PRDM5: variants seen among roughly 807,000 people sequenced by gnomAD.
PRDM5 encodes PR/SET domain 5.
In PRDM5, 56 loss-of-function variants were observed where a neutral mutation model predicts 81.2. The ratio of observed to expected loss-of-function variants is 0.69; its 90% CI spans 0.56 to 0.86. The LOEUF (loss-of-function observed/expected upper bound fraction) is 0.86. Among genes scored for constraint, PRDM5 ranks in the 40% least tolerant of loss-of-function variants. The pLI is 0.00. For missense variants in PRDM5, 697 were observed against 770.1 expected (o/e 0.91, Z 1.12); for synonymous variants, 267 against 256.4 (o/e 1.04, Z -0.39).
At chr4:120,729,710 A>G (rs1739974492) in intron 14 of PRDM5, among the ~76,000 whole-genome samples, 1 of 152,252 alleles carries the variant, frequency 6.6e-6, no homozygotes, top group Non-Finnish European at 1.5e-5. Context: ...ATTATAATGT[A>G]TTACAAGGGA....
At chr4:120,801,206 C>G (rs549189514) in intron 8 of PRDM5, among the ~76,000 whole-genome samples, 1 of 152,344 alleles carries the variant, frequency 6.6e-6, no homozygotes, top group Non-Finnish European at 1.5e-5. Flanking sequence ...GAAGCCAAGA[C>G]AGTGTCCCTG....
At chr4:120,811,974 TA>T (rs1304225641) in intron 7 of PRDM5, among the ~76,000 whole-genome samples, 3 of 152,150 alleles carry the variant, frequency 2.0e-5, no homozygotes, top group Admixed American at 6.5e-5. Context: ...TCGTATTCAT[TA>T]TAACTATATT....
rs186350793 is a variant in PRDM5 at position 120,701,024 on chromosome 4, C to G, written c.1729-5749G>C. Among the ~76,000 whole-genome samples, 1,113 of 152,158 alleles carry G rather than the reference C, an allele frequency of 7.3e-3. 11 individuals carry two copies. The highest frequency in any genetic ancestry group is 0.033 in the South Asian group (160 of 4,818). On this transcript the variant is annotated intron_variant, in intron 15 of 15. Coordinates refer to ENST00000264808, the MANE Select transcript of PRDM5 (RefSeq NM_018699.4). ...CCTGTAGTCCCAGCTAGTCGGGAGG[C>G]TGAGACAGGAGAATTGCTTGAACCT...
intron 10 of PRDM5, among the ~76,000 whole-genome samples, chr4:120,797,693 G>A (rs181128925): frequency 6.6e-6 from 1 of 152,190 alleles, no homozygotes; most frequent in Admixed American, 6.5e-5. Context: ...ATGTCGAAAA[G>A]ATGCCCAGTT....
At position 120,905,833 on chromosome 4, in the gene PRDM5, C is replaced by T. The variant is rs142657861; in HGVS notation, c.177+1641G>A. Reference sequence around the variant, plus strand: ...TCTACCTCCTACATGTATCTCAGCTCTTACCCTTCTCATAGAAACTATCAA... The same window carrying T: ...TCTACCTCCTACATGTATCTCAGCTTTTACCCTTCTCATAGAAACTATCAA... On this transcript the variant is annotated intron_variant, in intron 2 of 15. Transcript: ENST00000264808. Among the ~76,000 whole-genome samples, 389 of 152,262 alleles carry T rather than the reference C, an allele frequency of 2.6e-3. 1 individual carries two copies. The highest frequency in any genetic ancestry group is 4.2e-3 in the Non-Finnish European group (285 of 68,016).
chr4:120,779,992 T>C (rs2149235912), intron 12 of PRDM5, among the ~76,000 whole-genome samples: 1 of 151,942 alleles, frequency 6.6e-6, no homozygotes, highest in African/African-American at 2.4e-5. Flanking sequence ...CCATAAAAAT[T>C]AAATATTAAA....
intron 1 of PRDM5, among the ~76,000 whole-genome samples, chr4:120,914,267 A>G (rs1369554076): frequency 1.3e-5 from 2 of 152,032 alleles, no homozygotes; most frequent in African/African-American, 4.8e-5. Context: ...ATTGAAAGAA[A>G]GAGATAAGAA....
At chr4:120,765,701 C>T (rs1327547382) in intron 13 of PRDM5, among the ~76,000 whole-genome samples, 2 of 152,144 alleles carry the variant, frequency 1.3e-5, no homozygotes, top group Non-Finnish European at 2.9e-5. Flanking sequence ...AAATCCTCAT[C>T]TACATTCTAT....
At chr4:120,826,042 T>C (rs1027061904) in intron 3 of PRDM5, among the ~76,000 whole-genome samples, 3 of 152,108 alleles carry the variant, frequency 2.0e-5, no homozygotes, top group African/African-American at 4.8e-5. Context: ...AACAACAATA[T>C]TGACTGGGTC....
intron 2 of PRDM5, among the ~76,000 whole-genome samples, chr4:120,883,823 C>G (rs1471970110): frequency 6.6e-6 from 1 of 152,078 alleles, no homozygotes; most frequent in Non-Finnish European, 1.5e-5. Context: ...TGAAACTTTG[C>G]ACAAGATATT....
intron 12 of PRDM5, among the ~76,000 whole-genome samples, chr4:120,779,521 G>A (rs1748698103): frequency 6.6e-6 from 1 of 152,054 alleles, no homozygotes; most frequent in African/African-American, 2.4e-5. Context: ...AAAAACACCA[G>A]ATAATATCAT....
chr4:120,740,868 A>T (rs1741824015), intron 14 of PRDM5, among the ~76,000 whole-genome samples: 1 of 152,180 alleles, frequency 6.6e-6, no homozygotes, highest in African/African-American at 2.4e-5. Flanking sequence ...AATTCATACC[A>T]ACTGCTCAAT....
chr4:120,891,811 G>A (rs145448192), intron 2 of PRDM5, among the ~76,000 whole-genome samples: 1 of 152,056 alleles, frequency 6.6e-6, no homozygotes, highest in African/African-American at 2.4e-5. Flanking sequence ...TGTATTTTTA[G>A]TAGACACAGG....
intron 3 of PRDM5, chr4:120,838,951 G>A: frequency 2.0e-6 from 1 of 500,282 alleles, no homozygotes; most frequent in South Asian, 2.9e-5. Context: ...GGCTGCTGCA[G>A]AAGGGTGGGC....
downstream of PRDM5, among the ~76,000 whole-genome samples, chr4:120,690,925 A>G (rs1435429047): frequency 3.3e-5 from 5 of 152,092 alleles, no homozygotes; most frequent in Non-Finnish European, 7.4e-5. Flanking sequence ...TCCTCCTACC[A>G]TGTAGTATGC....
chr4:120,909,824 T>C (rs993689328), intron 1 of PRDM5, among the ~76,000 whole-genome samples: 9 of 78,552 alleles, frequency 1.1e-4, no homozygotes, highest in Admixed American at 4.0e-4. Context: ...AGCTTCACCA[T>C]TAATAGAGAA....
At position 120,907,459 on chromosome 4, in the gene PRDM5, A is replaced by C. The variant is rs919893943; in HGVS notation, c.177+15T>G. 8.4e-6 allele frequency: 13 copies of C among 1,555,190 alleles called. No homozygotes were observed. The African/African-American group carries it at 1.8e-4, about 21-fold the overall frequency. ...ACAAATATATTTTTAACATTAAAAT[A>C]AGTCATATCCTCACCTCCCACATCA... On this transcript the variant is annotated intron_variant, in intron 2 of 15. Transcript: ENST00000264808.
intron 13 of PRDM5, among the ~76,000 whole-genome samples, chr4:120,775,268 A>T (rs983070967): frequency 6.6e-6 from 1 of 152,148 alleles, no homozygotes; most frequent in Admixed American, 6.6e-5. Flanking sequence ...CATGACATAT[A>T]TTTAATAATT....
chr4:120,732,636 C>T (rs1740440296), intron 14 of PRDM5, among the ~76,000 whole-genome samples: 1 of 152,008 alleles, frequency 6.6e-6, no homozygotes, highest in Admixed American at 6.6e-5. Context: ...TTTTATATAA[C>T]ATATTACTAA....
Sources: gnomAD v4.1 joint callset for allele counts (sites outside exome capture counted in the v4.1 genomes callset) on GRCh38, gnomAD v4.1.1 for gene constraint, MANE v1.5 for transcripts, NCBI Gene and HGNC (gene_info 2026-07-23, HGNC 2026-07-21) for gene names.